The following DNAH11 variants were observed in gnomAD, a reference collection of about 807,000 sequenced individuals.
The protein encoded by DNAH11 is dynein axonemal heavy chain 11, also known as axonemal beta dynein heavy chain 11.
Under a neutral mutation model 526.0 loss-of-function variants are expected in DNAH11, and 442 were observed. The ratio of observed to expected loss-of-function variants is 0.84; its 90% CI spans 0.78 to 0.91. The LOEUF (loss-of-function observed/expected upper bound fraction) is 0.91, where lower values mean the gene tolerates loss of function less well. Ranked by LOEUF, DNAH11 falls within the 40% of genes least tolerant of loss-of-function variation. The pLI is 0.00. For synonymous variants in DNAH11, 2,461 were observed against 1,935.9 expected (o/e 1.27, Z -7.12); for missense variants, 6,989 against 5,448.7 (o/e 1.28, Z -8.90).
At chr7:21,770,218 A>AT (rs1787374599) in intron 55 of DNAH11, among the ~76,000 whole-genome samples, 1 of 151,712 alleles carries the variant, frequency 6.6e-6, no homozygotes, top group South Asian at 2.1e-4. Context: ...TTTTTTTTTG[A>AT]TTTTGGAATA....
chr7:21,807,867 T>A lies in DNAH11; in HGVS notation c.10166-16T>A. ...CAGCCTGCAATTACAGCTGAGTAAT[T>A]TCATCTTTCAGTCAGAGAAGATTCG... On this transcript the variant is annotated splice_polypyrimidine_tract_variant and intron_variant, in intron 62 of 81. Coordinates refer to ENST00000409508, the MANE Select transcript of DNAH11 (RefSeq NM_001277115.2). The A allele has an allele frequency of 6.3e-7, 1 of 1,579,994 alleles. No homozygotes were observed. The highest frequency in any genetic ancestry group is 8.7e-7 in the Non-Finnish European group (1 of 1,154,216).
Position 21,818,220 on chromosome 7 carries a change from T to G in DNAH11, c.10572T>G (p.Phe3524Leu), listed in dbSNP as rs543853876. The change falls in exon 65 of 82, where the codon TTT becomes TTG. Residue 3524 changes from phenylalanine (F) to leucine (L), a missense_variant. Phe to Leu is a conservative substitution (Grantham distance 22). Coordinates refer to ENST00000409508, the MANE Select transcript of DNAH11 (RefSeq NM_001277115.2). ...LKVTHLGQKG[F>L]LNAIETALAF... The stretch of plus-strand genomic sequence containing the variant: ...TCAAATCCCACTGAATTTTAAGGTT[T>G]TTGAATGCCATTGAAACTGCTTTGG... 9 of 1,609,940 alleles carry G rather than the reference T, an allele frequency of 5.6e-6. No homozygotes were observed. In the South Asian group the frequency reaches 8.9e-5, roughly 16 times the overall value.
At chr7:21,655,094 G>A (rs1008245382) in intron 28 of DNAH11, among the ~76,000 whole-genome samples, 8 of 151,006 alleles carry the variant, frequency 5.3e-5, no homozygotes, top group Admixed American at 3.3e-4. Context: ...ATTGTCTGGA[G>A]CCTGCATAGA....
chr7:21,863,537 A>C (rs1783155232), intron 69 of DNAH11, among the ~76,000 whole-genome samples: 1 of 152,328 alleles, frequency 6.6e-6, no homozygotes, highest in South Asian at 2.1e-4. Context: ...CATGTTGGCC[A>C]GGATGGTCTT....
chr7:21,876,318 G>T (rs1311455230), intron 74 of DNAH11, among the ~76,000 whole-genome samples: 1 of 152,152 alleles, frequency 6.6e-6, no homozygotes, highest in African/African-American at 2.4e-5. Flanking sequence ...CTTAGCCAGA[G>T]CCAACCAACA....
At chr7:21,837,083 CAAAAAA>C (rs1336412747) in intron 65 of DNAH11, among the ~76,000 whole-genome samples, 1 of 151,880 alleles carries the variant, frequency 6.6e-6, no homozygotes, top group Non-Finnish European at 1.5e-5. Context: ...ATCAAAAAGA[CAAAAAA>C]TAACAATTGC....
chr7:21,777,933 T>A (rs11764918), intron 56 of DNAH11, among the ~76,000 whole-genome samples: 33,303 of 152,048 alleles, frequency 0.22, 5,341 homozygotes, highest in East Asian at 0.6. Context: ...GTCTTTAGCA[T>A]TTGAGTTAAA....
At chr7:21,745,123 T>A (rs916100184) in intron 51 of DNAH11, 60 bp downstream of exon 51, 70 of 1,514,116 alleles carry the variant, frequency 4.6e-5, no homozygotes, top group Non-Finnish European at 5.8e-5. Context: ...TATCCACTAC[T>A]GTCATTTTTC....
At chr7:21,789,653 T>C (rs1788348082) in intron 61 of DNAH11, among the ~76,000 whole-genome samples, 1 of 152,142 alleles carries the variant, frequency 6.6e-6, no homozygotes, top group Non-Finnish European at 1.5e-5. Flanking sequence ...ATCTGGCTTA[T>C]ATCTTGGCTC....
intron 62 of DNAH11, among the ~76,000 whole-genome samples, chr7:21,803,860 C>A (rs903155091): frequency 1.3e-5 from 2 of 149,036 alleles, no homozygotes; most frequent in African/African-American, 2.5e-5. Flanking sequence ...GGGAATGGGG[C>A]TATCATCATT....
In DNAH11 at chr7:21,842,586, C is replaced by G; in HGVS notation, c.10734C>G (p.Asn3578Lys). 1 of 1,613,946 alleles carries G rather than the reference C, an allele frequency of 6.2e-7. No homozygotes were observed. The highest frequency in any genetic ancestry group is 8.5e-7 in the Non-Finnish European group (1 of 1,179,878). The change falls in exon 66 of 82, where the codon AAC (asparagine) becomes AAG (lysine). Residue 3578 changes from asparagine to lysine, a missense_variant. Coordinates refer to ENST00000409508, the MANE Select transcript of DNAH11 (RefSeq NM_001277115.2). ...ATAAAGAATGTGAATTTAACAAGAACTTTCGCCTTATCCTTCACACAAAAT... is the reference window on the plus strand; with the variant it reads ...ATAAAGAATGTGAATTTAACAAGAAGTTTCGCCTTATCCTTCACACAAAAT... Reference protein sequence around the residue: ...IGDKECEFNKNFRLILHTKLA... With the variant: ...IGDKECEFNKKFRLILHTKLA...
At chr7:21,558,534 T>A (rs1783312712) in intron 2 of DNAH11, among the ~76,000 whole-genome samples, 1 of 152,242 alleles carries the variant, frequency 6.6e-6, no homozygotes, top group South Asian at 2.1e-4. Context: ...GCTTATTTCA[T>A]GCAGTGTTTG....
At chr7:21,563,242 T>C (rs994304571) in intron 5 of DNAH11, among the ~76,000 whole-genome samples, 24 of 152,158 alleles carry the variant, frequency 1.6e-4, no homozygotes, top group Non-Finnish European at 3.4e-4. Flanking sequence ...AGGGTCTTGC[T>C]CTGTTGCCCA....
intron 75 of DNAH11, 21 bp downstream of exon 75, chr7:21,880,914 A>G (rs753951321): frequency 3.1e-5 from 49 of 1,575,798 alleles, no homozygotes; most frequent in South Asian, 1.2e-5. Context: ...GTGGTCAAAT[A>G]ACCTCTTCCA....
chr7:21,742,031 A>T lies in DNAH11; in HGVS notation c.8019A>T (p.Pro2673=). The T allele has an allele frequency of 6.2e-7, 1 of 1,613,950 alleles. No individual in the cohort carries two copies. Among genetic ancestry groups the T allele is most frequent in the Non-Finnish European group, 8.5e-7 (1 of 1,179,866 alleles). The change falls in exon 49 of 82, where the codon CCA becomes CCT. Residue 2673 remains proline (P), a synonymous_variant. Coordinates refer to ENST00000409508, the MANE Select transcript of DNAH11 (RefSeq NM_001277115.2). ...ATTTCCAACAGCAAGCATTTGCTCC[A>T]TCAATTCTCAGGAGTGGCCCCACTT... The part of the protein sequence containing the change: ...SFHFQQQAFA[P]SILRSGPTLI...
At chr7:21,595,164 C>G (rs1175308292) in intron 14 of DNAH11, among the ~76,000 whole-genome samples, 1 of 152,200 alleles carries the variant, frequency 6.6e-6, no homozygotes, top group Non-Finnish European at 1.5e-5. Context: ...GGCAAGGCCC[C>G]TCTTCTAGGT....
chr7:21,649,971 C>T (rs958568131), intron 28 of DNAH11, among the ~76,000 whole-genome samples: 5 of 152,044 alleles, frequency 3.3e-5, no homozygotes, highest in Non-Finnish European at 7.4e-5. Context: ...AGCGACTATT[C>T]TATTCCTTAA....
chr7:21,788,301 T>C (rs1435725344), intron 60 of DNAH11, among the ~76,000 whole-genome samples: 7 of 152,178 alleles, frequency 4.6e-5, no homozygotes. Context: ...ATTCCCAAAG[T>C]AATTTTCATA....
chr7:21,562,196 A>G lies in DNAH11; in HGVS notation c.982+1026A>G, dbSNP rs1199708115. ...ATTTCTTAATCTTGTCATGATCAAC[A>G]TTTTGGGTTAGATAATTTTTTTGTT... is the stretch of plus-strand genomic sequence containing the variant. On this transcript the variant is annotated intron_variant, in intron 5 of 81. Transcript: ENST00000409508. Among the ~76,000 whole-genome samples the G allele has an allele frequency of 2.0e-5, 3 of 152,144 alleles. No homozygotes were observed. The East Asian group carries it at 5.8e-4, about 29-fold the overall frequency.
Sources: allele counts gnomAD v4.1 joint callset (sites outside exome capture counted in the v4.1 genomes callset), GRCh38; gene constraint gnomAD v4.1.1; transcripts MANE v1.5; gene names NCBI Gene and HGNC (gene_info 2026-07-23, HGNC 2026-07-21).